The following UNC5A variants were observed in gnomAD, a reference collection of about 807,000 sequenced individuals.
The protein encoded by UNC5A is unc-5 netrin receptor A, also known as netrin receptor UNC5A.
UNC5A carries 20 observed loss-of-function variants against 87.4 expected under a neutral mutation model. The observed-to-expected ratio is 0.23, with a 90% CI of 0.16 to 0.33. The LOEUF (loss-of-function observed/expected upper bound fraction) is 0.33, where lower values mean the gene tolerates loss of function less well. UNC5A is among the 10% of genes least tolerant of loss of function. UNC5A has a pLI of 1.00. For missense variants in UNC5A, 844 were observed against 1,133.4 expected (o/e 0.74, Z 3.67); for synonymous variants, 438 against 482.3 (o/e 0.91, Z 1.20).
chr5:176,834,662 G>GTGT (rs1757104822), intron 1 of UNC5A, among the ~76,000 whole-genome samples: 2 of 51,496 alleles, frequency 3.9e-5, no homozygotes, highest in Admixed American at 3.9e-4. Context: ...CCCACGTCCC[G>GTGT]TCTTCTCTCT....
chr5:176,842,067 G>A (rs1757289723), intron 1 of UNC5A, among the ~76,000 whole-genome samples: 1 of 152,216 alleles, frequency 6.6e-6, no homozygotes, highest in Non-Finnish European at 1.5e-5. Context: ...CGCGGTGGCG[G>A]GTGCCTGTAG....
chr5:176,814,864 G>A (rs1191538919), intron 1 of UNC5A, among the ~76,000 whole-genome samples: 3 of 152,146 alleles, frequency 2.0e-5, no homozygotes, highest in Non-Finnish European at 1.5e-5. Context: ...GCTATTGCTG[G>A]GGACAGGGAG....
At chr5:176,814,423 G>A (rs539451297) in intron 1 of UNC5A, among the ~76,000 whole-genome samples, 10 of 152,252 alleles carry the variant, frequency 6.6e-5, no homozygotes, top group African/African-American at 2.4e-4. Flanking sequence ...TAGCTCCTTT[G>A]CCTTGCAAAG....
chr5:176,872,110 C>A (rs1276910926), intron 6 of UNC5A, among the ~76,000 whole-genome samples: 1 of 113,590 alleles, frequency 8.8e-6, no homozygotes, highest in Non-Finnish European at 1.9e-5. Flanking sequence ...CCCACACTCA[C>A]CCCACACCAC....
At chr5:176,860,478 G>A (rs1757807626) in intron 1 of UNC5A, among the ~76,000 whole-genome samples, 1 of 152,142 alleles carries the variant, frequency 6.6e-6, no homozygotes, top group African/African-American at 2.4e-5. Flanking sequence ...TGCTCTCCCT[G>A]AGCCCACCCC....
intron 1 of UNC5A, among the ~76,000 whole-genome samples, chr5:176,851,059 C>T (rs975765490): frequency 6.6e-6 from 1 of 152,132 alleles, no homozygotes; most frequent in Non-Finnish European, 1.5e-5. Context: ...CTGTGTTGGC[C>T]GGTGCCTAGC....
chr5:176,873,208 G>A (rs1442430622), intron 6 of UNC5A, among the ~76,000 whole-genome samples: 24 of 152,142 alleles, frequency 1.6e-4, no homozygotes, highest in Non-Finnish European at 1.0e-4. Flanking sequence ...CAACACCACA[G>A]CTTCCCATCT....
chr5:176,862,934 CCCA>C (rs1189460290), intron 2 of UNC5A, 89 bp downstream of exon 2: 2 of 1,489,074 alleles, frequency 1.3e-6, no homozygotes, highest in African/African-American at 1.4e-5. Flanking sequence ...CCCAGGATTC[CCCA>C]CCTGGGACCC....
In UNC5A at chr5:176,847,390, C is replaced by T. The variant is rs564906448; in HGVS notation, c.71-15234C>T. The stretch of plus-strand genomic sequence containing the variant: ...CTCCAGGGCCTCCCTTCTATGGGGA[C>T]GCCTCCTGGGAACAGGCTGCCGAGG... On this transcript the variant is annotated intron_variant, in intron 1 of 14. Transcript: ENST00000329542. Among the ~76,000 whole-genome samples, 5 of 152,312 alleles carry T rather than the reference C, an allele frequency of 3.3e-5. No individual in the cohort carries two copies. The East Asian group carries it at 9.6e-4, about 29-fold the overall frequency.
At chr5:176,836,354 A>G (rs1482559527) in intron 1 of UNC5A, among the ~76,000 whole-genome samples, 1 of 152,206 alleles carries the variant, frequency 6.6e-6, no homozygotes, top group Non-Finnish European at 1.5e-5. Flanking sequence ...CCAGCCCGAG[A>G]TGGGGCAGAA....
At position 176,824,709 on chromosome 5, in the gene UNC5A, C is replaced by T. The variant is rs1159592030; in HGVS notation, c.70+13889C>T. On this transcript the variant is annotated intron_variant, in intron 1 of 14. Transcript: ENST00000329542. This position sits in a 1 kb window ranked among gnomAD's most constrained non-coding sequence, Gnocchi z 4.2. ...GATGCCACTTTGGCAGATGAACACC[C>T]CCTACTGCTAGGTGCCTCCATGCCC... is the stretch of plus-strand genomic sequence containing the variant. Among the ~76,000 whole-genome samples, 2 of 151,874 alleles carry T rather than the reference C, an allele frequency of 1.3e-5. No homozygotes were observed. Among genetic ancestry groups the T allele is most frequent in the Admixed American group, 6.6e-5 (1 of 15,260 alleles).
rs73341814 is a variant in UNC5A, at chr5:176,868,311, C to T, written c.436+38C>T. On this transcript the variant is annotated intron_variant, in intron 3 of 14. Transcript: ENST00000329542. ...CTGGGCCCTGGGGGAGGGCGCACGGCGGGAGGGTGTCACCAGGAGAGGGGA... is the reference window on the plus strand; with the variant it reads ...CTGGGCCCTGGGGGAGGGCGCACGGTGGGAGGGTGTCACCAGGAGAGGGGA... 13,775 of 1,609,434 alleles carry T rather than the reference C, an allele frequency of 8.6e-3. 995 individuals carry two copies. In the African/African-American group the frequency reaches 0.16, roughly 19 times the overall value.
chr5:176,860,409 A>G (rs1002103823), intron 1 of UNC5A, among the ~76,000 whole-genome samples: 2 of 151,878 alleles, frequency 1.3e-5, no homozygotes, highest in African/African-American at 4.8e-5. Flanking sequence ...TCCCAAGACC[A>G]CCTCCTTCCA....
rs1581269132 is a variant in UNC5A at position 176,862,723 on chromosome 5, A to G, written c.170A>G (p.Lys57Arg). The change falls in exon 2 of 15, where the codon AAG becomes AGG. Residue 57 changes from lysine to arginine, a missense_variant. Lys to Arg is a conservative substitution (Grantham distance 26). Coordinates refer to ENST00000329542, the MANE Select transcript of UNC5A (RefSeq NM_133369.3). Reference sequence around the variant, plus strand: ...GAGCCCGAGGATGTGTACATCGTCAAGAACAAGCCAGTGCTGCTTGTGTGC... The same window carrying G: ...GAGCCCGAGGATGTGTACATCGTCAGGAACAAGCCAGTGCTGCTTGTGTGC... ...LVEPEDVYIVKNKPVLLVCKA... is the reference protein window; with the variant it reads ...LVEPEDVYIVRNKPVLLVCKA... 1.2e-6 allele frequency: 2 copies of G among 1,613,426 alleles called. No homozygotes were observed. The highest frequency in any genetic ancestry group is 1.1e-5 in the South Asian group (1 of 91,084).
intron 1 of UNC5A, among the ~76,000 whole-genome samples, chr5:176,827,246 A>C (rs1756878322): frequency 7.1e-6 from 1 of 140,226 alleles, no homozygotes; most frequent in Admixed American, 7.8e-5. Flanking sequence ...GCAGTGGCAC[A>C]ATATTGGCTC....
intron 1 of UNC5A, among the ~76,000 whole-genome samples, chr5:176,820,643 C>T (rs1756705310): frequency 1.3e-5 from 2 of 152,208 alleles, no homozygotes; most frequent in African/African-American, 2.4e-5. Flanking sequence ...GGGATCCCAG[C>T]AGGCCTCTCA....
rs1025606949 is a variant in UNC5A at position 176,866,222 on chromosome 5, A to G, written c.293-1908A>G. Among the ~76,000 whole-genome samples, 3 of 152,124 alleles carry G rather than the reference A, an allele frequency of 2.0e-5. No homozygotes were observed. Among genetic ancestry groups the G allele is most frequent in the African/African-American group, 7.2e-5 (3 of 41,416 alleles). ...GAACCAGGCTGCCTGATGATCCACAAGAGGAGAGCGCACAGCCCCTCACAT... is the reference window on the plus strand; with the variant it reads ...GAACCAGGCTGCCTGATGATCCACAGGAGGAGAGCGCACAGCCCCTCACAT... On this transcript the variant is annotated intron_variant, in intron 2 of 14. Transcript: ENST00000329542. This position sits in a 1 kb window ranked among gnomAD's most constrained non-coding sequence, Gnocchi z 5.0.
chr5:176,859,612 C>G (rs79704357), intron 1 of UNC5A, among the ~76,000 whole-genome samples: 145 of 26,338 alleles, frequency 5.5e-3, no homozygotes, highest in Non-Finnish European at 0.011. Context: ...ATGGCTGCTA[C>G]AATGTCCTTG....
chr5:176,862,395 G>A (rs886650431), intron 1 of UNC5A, among the ~76,000 whole-genome samples: 12 of 152,236 alleles, frequency 7.9e-5, no homozygotes, highest in Admixed American at 1.3e-4. Context: ...ACCTCACCAC[G>A]GTCTTCAGGA....
Sources: allele counts gnomAD v4.1 joint callset (sites outside exome capture counted in the v4.1 genomes callset), GRCh38; gene constraint gnomAD v4.1.1; non-coding constraint Gnocchi (gnomAD v3.1); transcripts MANE v1.5; gene names NCBI Gene and HGNC (gene_info 2026-07-23, HGNC 2026-07-21).